Variants in MARK3 observed in about 807,000 individuals in gnomAD.
The protein encoded by MARK3 is MAP/microtubule affinity-regulating kinase 3.
A neutral mutation model predicts 90.1 loss-of-function variants in MARK3; 46 were observed. The ratio of observed to expected loss-of-function variants is 0.51; its 90% confidence interval spans 0.40 to 0.65. MARK3 has a LOEUF of 0.65. MARK3 is among the 30% of genes least tolerant of loss of function. The probability of loss-of-function intolerance (pLI) is 0.00; values close to 1 mark genes in which losing one functional copy is unlikely to be tolerated. For missense variants in MARK3, 818 were observed against 947.2 expected, an observed-to-expected ratio of 0.86 and a Z score of 1.79; for synonymous variants, 321 against 332.6, an observed-to-expected ratio of 0.97 and a Z score of 0.38.
intron 2 of MARK3, among the ~76,000 whole-genome samples, chr14:103,410,783 A>G (rs759631813): frequency 1.3e-5 from 2 of 151,780 alleles, no homozygotes; most frequent in African/African-American, 2.4e-5. Flanking sequence ...TAAACCCTTT[A>G]TGTTTCAGTC....
At chr14:103,498,017 G>GGCTGATC (rs1450265085) in intron 15 of MARK3, among the ~76,000 whole-genome samples, 9 of 152,138 alleles carry the variant, frequency 5.9e-5, no homozygotes, top group Non-Finnish European at 1.3e-4. Flanking sequence ...AGGAGTTCGA[G>GGCTGATC]ACTAGACTGG....
At chr14:103,500,008 A>G in intron 16 of MARK3, 148 bp from the exon 17 acceptor site, 1 of 685,048 alleles carries the variant, frequency 1.5e-6, no homozygotes, top group South Asian at 1.6e-5. Context: ...TGAGAGGAAG[A>G]GTTTTCATAA....
intron 13 of MARK3, among the ~76,000 whole-genome samples, chr14:103,477,982 G>A (rs2093743995): frequency 7.3e-6 from 1 of 136,344 alleles, no homozygotes. Context: ...CTGGGCAACA[G>A]AGCAAGACCC....
chr14:103,397,554 T>C (rs1196180346), intron 1 of MARK3, among the ~76,000 whole-genome samples: 1 of 152,048 alleles, frequency 6.6e-6, no homozygotes, highest in East Asian at 1.9e-4. Flanking sequence ...CTCGAACTCC[T>C]GACCTTGTGA....
At chr14:103,412,351 G>A (rs1278171000) in intron 2 of MARK3, 5 of 627,822 alleles carry the variant, frequency 8.0e-6, no homozygotes, top group South Asian at 3.7e-5. Flanking sequence ...TGTTTTCATC[G>A]TGTGTGAGCA....
chr14:103,489,041 C>T (rs2093976924), intron 14 of MARK3, among the ~76,000 whole-genome samples: 1 of 152,120 alleles, frequency 6.6e-6, no homozygotes, highest in African/African-American at 2.4e-5. Flanking sequence ...AGATTTTGGG[C>T]TGTGTTTTCA....
intron 13 of MARK3, among the ~76,000 whole-genome samples, chr14:103,479,859 C>T (rs2093787552): frequency 6.6e-6 from 1 of 152,008 alleles, no homozygotes; most frequent in African/African-American, 2.4e-5. Context: ...AGGCTGGTCT[C>T]GAACTCCTCA....
chr14:103,427,508 A>AAAAAG lies in MARK3; in HGVS notation c.244-875_244-874insGAAAA, dbSNP rs1392714783. ...GAGGGAGACTGTTTCAAAAAAAAAA[A>AAAAAG]AAAAAGAAACAAAAGAATGGCTGCT... On this transcript the variant is annotated intron_variant, in intron 2 of 17. Transcript: ENST00000429436. Among the ~76,000 whole-genome samples, 116 of 151,312 alleles carry AAAAAG rather than the reference A, an allele frequency of 7.7e-4. 3 individuals are homozygous for AAAAAG. The highest frequency in any genetic ancestry group is 2.6e-3 in the African/African-American group (107 of 41,314).
At chr14:103,499,061 G>A (rs559328211) in intron 16 of MARK3, 3 of 152,362 alleles carry the variant, frequency 2.0e-5, no homozygotes, top group South Asian at 4.1e-4. Flanking sequence ...GAACAGCTGC[G>A]TAGCAGAAAT....
At chr14:103,433,852 A>T (rs1409388123) in intron 3 of MARK3, among the ~76,000 whole-genome samples, 1 of 152,158 alleles carries the variant, frequency 6.6e-6, no homozygotes, top group Non-Finnish European at 1.5e-5. Flanking sequence ...GGCCTAATGC[A>T]GGAGTTTAGT....
In MARK3 at chr14:103,405,966, C is replaced by T. The variant is rs574290116; in HGVS notation, c.243+699C>T. ...AGTGCAGTGGCTCAATCATGGCTCACTATAGCCTCAACCTCCTGGGGTCAG... is the reference window on the plus strand; with the variant it reads ...AGTGCAGTGGCTCAATCATGGCTCATTATAGCCTCAACCTCCTGGGGTCAG... On this transcript the variant is annotated intron_variant, in intron 2 of 17. Coordinates refer to ENST00000429436, the MANE Select transcript of MARK3 (RefSeq NM_001128918.3). 3.9e-5 allele frequency among the ~76,000 whole-genome samples: 6 copies of T among 152,102 alleles called. No homozygotes were observed. The South Asian group carries it at 1.2e-3, about 32-fold the overall frequency.
chr14:103,403,927 A>G (rs1483543124), intron 1 of MARK3, among the ~76,000 whole-genome samples: 1 of 151,970 alleles, frequency 6.6e-6, no homozygotes, highest in Non-Finnish European at 1.5e-5. Flanking sequence ...ATAAAAACAG[A>G]AATTGTTGTT....
At chr14:103,478,642 C>T (rs901887105) in intron 13 of MARK3, among the ~76,000 whole-genome samples, 8 of 144,450 alleles carry the variant, frequency 5.5e-5, no homozygotes, top group Non-Finnish European at 1.1e-4. Flanking sequence ...CGGGTTCAAG[C>T]GATTCTCCTG....
chr14:103,392,548 C>A (rs945023134), intron 1 of MARK3, among the ~76,000 whole-genome samples: 1 of 152,106 alleles, frequency 6.6e-6, no homozygotes, highest in African/African-American at 2.4e-5. Flanking sequence ...AAAAAAAAAT[C>A]ACTGCCTTAG....
At chr14:103,427,339 A>C (rs969441532) in intron 2 of MARK3, among the ~76,000 whole-genome samples, 3 of 151,670 alleles carry the variant, frequency 2.0e-5, no homozygotes, top group African/African-American at 7.3e-5. Context: ...ATCTCTACTA[A>C]AAATACAAAA....
At chr14:103,437,078 TGA>T (rs2141152260) in intron 3 of MARK3, among the ~76,000 whole-genome samples, 1 of 142,178 alleles carries the variant, frequency 7.0e-6, no homozygotes, top group South Asian at 2.2e-4. Flanking sequence ...GGGCAACAAA[TGA>T]GAAACTCTGC....
chr14:103,419,101 ACATG>A (rs1434277424), intron 2 of MARK3, among the ~76,000 whole-genome samples: 1 of 152,172 alleles, frequency 6.6e-6, no homozygotes, highest in Non-Finnish European at 1.5e-5. Context: ...ATCCTGGCTA[ACATG>A]GTGAAACCCC....
chr14:103,399,510 C>G (rs1334088312), intron 1 of MARK3, among the ~76,000 whole-genome samples: 1 of 151,710 alleles, frequency 6.6e-6, no homozygotes, highest in Non-Finnish European at 1.5e-5. Flanking sequence ...GAGATCGAGA[C>G]CACGGTGAAA....
intron 14 of MARK3, among the ~76,000 whole-genome samples, chr14:103,483,128 A>G (rs1161161240): frequency 6.6e-6 from 1 of 152,228 alleles, no homozygotes; most frequent in African/African-American, 2.4e-5. Flanking sequence ...AGATACAATT[A>G]GCTTTCCCTG....
Sources: allele counts gnomAD v4.1 joint callset (sites outside exome capture counted in the v4.1 genomes callset), GRCh38; gene constraint gnomAD v4.1.1; transcripts MANE v1.5; gene names NCBI Gene and HGNC (gene_info 2026-07-23, HGNC 2026-07-21).